Variants in PVT1 observed in about 807,000 individuals in gnomAD.
The protein encoded by PVT1 is Pvt1 oncogene.
intron 3 of PVT1, chr8:127,989,081 T>C (rs1040173494): frequency 1.3e-5 from 2 of 152,234 alleles, no homozygotes; most frequent in African/African-American, 2.4e-5. Flanking sequence ...CCTTATCTTT[T>C]AAATGAATGA....
chr8:127,915,647 G>A (rs1032195526), intron 3 of PVT1, among the ~76,000 whole-genome samples: 23 of 150,874 alleles, frequency 1.5e-4, no homozygotes, highest in Admixed American at 3.3e-4. Context: ...AGGATATGTG[G>A]ACACTATGTC....
intron 4 of PVT1, among the ~76,000 whole-genome samples, chr8:128,004,609 C>T (rs1216793073): frequency 2.0e-5 from 3 of 152,140 alleles, no homozygotes; most frequent in South Asian, 2.1e-4. Context: ...GTATTTGTGG[C>T]GTTAGGACAA....
At chr8:127,812,108 CAAAA>C (rs1814600910) in intron 2 of PVT1, among the ~76,000 whole-genome samples, 1 of 95,834 alleles carries the variant, frequency 1.0e-5, no homozygotes, top group Non-Finnish European at 2.0e-5. Flanking sequence ...GACATCGTCT[CAAAA>C]GAAAAGAAAG....
At chr8:127,860,781 A>T (rs1051906427) in intron 2 of PVT1, among the ~76,000 whole-genome samples, 5 of 132,878 alleles carry the variant, frequency 3.8e-5, no homozygotes, top group Non-Finnish European at 5.3e-5. Flanking sequence ...AAAAAAAAAA[A>T]AAAGGAGAAG....
chr8:127,909,373 C>T (rs1183193032), intron 3 of PVT1, among the ~76,000 whole-genome samples: 2 of 152,204 alleles, frequency 1.3e-5, no homozygotes, highest in Admixed American at 1.3e-4. Flanking sequence ...CAAGAGTCTT[C>T]AAAGTGATGC....
intron 2 of PVT1, among the ~76,000 whole-genome samples, chr8:127,816,710 G>C (rs1402263144): frequency 1.3e-5 from 2 of 152,104 alleles, no homozygotes; most frequent in African/African-American, 4.8e-5. Context: ...TTTTAGTAGA[G>C]ATGAGGTTTC....
chr8:127,980,812 G>GTTTTTTTTT (rs1816874918), intron 3 of PVT1, among the ~76,000 whole-genome samples: 1 of 52,218 alleles, frequency 1.9e-5, no homozygotes. Context: ...TTTTTTTTTT[G>GTTTTTTTTT]TTTGAGACAG....
At chr8:127,999,182 G>A (rs1224653290) in intron 4 of PVT1, 7 of 152,134 alleles carry the variant, frequency 4.6e-5, no homozygotes, top group African/African-American at 1.7e-4. Context: ...TTTCCCCAGG[G>A]TGAGGCTTAT....
At chr8:127,967,774 G>T (rs1383388303) in intron 3 of PVT1, among the ~76,000 whole-genome samples, 1 of 152,220 alleles carries the variant, frequency 6.6e-6, no homozygotes, top group Non-Finnish European at 1.5e-5. Flanking sequence ...TCCAGATAAG[G>T]AGAAGAGCTC....
chr8:128,005,495 C>G (rs987010953), intron 4 of PVT1, among the ~76,000 whole-genome samples: 25 of 152,154 alleles, frequency 1.6e-4, no homozygotes, highest in Non-Finnish European at 3.5e-4. Context: ...ACAGATATGC[C>G]CTAGTCTTGT....
intron 4 of PVT1, among the ~76,000 whole-genome samples, chr8:128,041,226 CAT>C (rs1491507623): frequency 1.0e-4 from 7 of 68,290 alleles, no homozygotes; most frequent in Non-Finnish European, 9.8e-5. Context: ...TGTGTGTGTG[CAT>C]GTGTGTGTGT....
At chr8:127,922,980 T>C (rs6470592) in intron 3 of PVT1, among the ~76,000 whole-genome samples, 124,374 of 152,256 alleles carry the variant, frequency 0.82, 51,322 homozygotes, top group Middle Eastern at 0.94. Flanking sequence ...TCAGCAAAAC[T>C]GCTAAGCCCT....
In PVT1 at chr8:127,961,981, A is replaced by AT. The variant is rs774663959; in HGVS notation, n.783-27170dup. Among the ~76,000 whole-genome samples the AT allele has an allele frequency of 8.7e-3, 1,308 of 150,032 alleles. 5 individuals carry two copies. Among genetic ancestry groups the AT allele is most frequent in the African/African-American group, 0.011 (464 of 41,114 alleles). On this transcript the variant is annotated intron_variant and non_coding_transcript_variant, in intron 3 of 10. Transcript: ENST00000651587. The stretch of plus-strand genomic sequence containing the variant: ...GGACGAAGGAGATAATGAATGTAGA[A>AT]TTTTTTTTTTTGAGACGGAGTCTCG...
intron 4 of PVT1, among the ~76,000 whole-genome samples, chr8:128,049,984 G>T (rs1159237563): frequency 1.3e-5 from 2 of 152,122 alleles, no homozygotes; most frequent in East Asian, 1.9e-4. Flanking sequence ...AGGGCTTCAG[G>T]GTGGGCAAGG....
At chr8:127,931,496 G>A (rs1816205937) in intron 3 of PVT1, among the ~76,000 whole-genome samples, 1 of 152,226 alleles carries the variant, frequency 6.6e-6, no homozygotes, top group Non-Finnish European at 1.5e-5. Flanking sequence ...CACTGTGTGT[G>A]TATGATTCTA....
chr8:127,883,716 C>T (rs1057376854), intron 2 of PVT1, among the ~76,000 whole-genome samples: 1 of 152,076 alleles, frequency 6.6e-6, no homozygotes, highest in Non-Finnish European at 1.5e-5. Flanking sequence ...AGATTTGGTC[C>T]TGACAGCCTG....
At chr8:128,026,737 TCTC>T (rs1813294568) in intron 4 of PVT1, among the ~76,000 whole-genome samples, 1 of 152,106 alleles carries the variant, frequency 6.6e-6, no homozygotes, top group Non-Finnish European at 1.5e-5. Context: ...ATATTGGCCT[TCTC>T]CTTATAGTCT....
chr8:128,024,819 T>C (rs79230602), intron 4 of PVT1, among the ~76,000 whole-genome samples: 7,209 of 152,202 alleles, frequency 0.047, 267 homozygotes, highest in African/African-American at 0.091. Flanking sequence ...GGAAGAGGCC[T>C]GAGGGCTGGC....
chr8:128,008,579 C>T (rs1817274724), intron 4 of PVT1, among the ~76,000 whole-genome samples: 1 of 152,206 alleles, frequency 6.6e-6, no homozygotes, highest in Admixed American at 6.5e-5. Context: ...TGCCCCATCA[C>T]CTGTGTTGCT....
Sources: gnomAD v4.1 joint callset for allele counts (sites outside exome capture counted in the v4.1 genomes callset) on GRCh38, gnomAD v4.1.1 for gene constraint, MANE v1.5 for transcripts, NCBI Gene and HGNC (gene_info 2026-07-23, HGNC 2026-07-21) for gene names.